PATJ: variants seen among roughly 807,000 people sequenced by gnomAD.
The protein encoded by PATJ is inaD-like protein.
PATJ carries 190 observed loss-of-function variants against 224.9 expected under a neutral mutation model. That is an observed-to-expected ratio of 0.84 (90% CI 0.75 to 0.95). The LOEUF (loss-of-function observed/expected upper bound fraction) is 0.95. PATJ is among the 40% of genes least tolerant of loss of function. The pLI is 0.00. For missense variants in PATJ, 2,121 were observed against 2,270.3 expected (o/e 0.93, Z 1.34); for synonymous variants, 769 against 820.3 (o/e 0.94, Z 1.07).
intron 27 of PATJ, among the ~76,000 whole-genome samples, chr1:61,947,566 G>A (rs367968541): frequency 1.3e-4 from 20 of 152,050 alleles, no homozygotes; most frequent in Non-Finnish European, 2.5e-4. Context: ...AATAAAAGAC[G>A]ATACAAACAA....
At chr1:61,917,883 C>T (rs1673673545) in intron 26 of PATJ, 1 of 152,116 alleles carries the variant, frequency 6.6e-6, no homozygotes, top group African/African-American at 2.4e-5. Context: ...GAAACCCCGT[C>T]TCTACTAAAA....
At position 62,114,141 on chromosome 1, in the gene PATJ, A is replaced by G. The variant is rs756686480; in HGVS notation, c.4550A>G (p.Tyr1517Cys). Residue 1517 changes from tyrosine to cysteine, a missense_variant, in exon 35 of 44, where the codon TAT becomes TGT. Physicochemically the swap from Tyr to Cys is radical, Grantham distance 194. Coordinates refer to ENST00000642238, the MANE Select transcript of PATJ (RefSeq NM_001350145.3). ...QTPQKVRLVV[Y>C]RDEAHYRDEE... ...CCCCAGAAGGTGCGGCTGGTGGTGT[A>G]TAGAGATGAGGCACACTACCGGGAT... is the stretch of plus-strand genomic sequence containing the variant. The G allele has an allele frequency of 5.0e-6, 8 of 1,613,938 alleles. No homozygotes were observed. In the African/African-American group the frequency reaches 6.7e-5, roughly 13 times the overall value.
chr1:61,959,431 T>TC (rs1557945082), intron 27 of PATJ, among the ~76,000 whole-genome samples: 1 of 39,250 alleles, frequency 2.5e-5, no homozygotes, highest in African/African-American at 5.5e-5. Context: ...ATATATTTTT[T>TC]TTCTTTTCTT....
At chr1:61,947,441 TC>T (rs1488024977) in intron 27 of PATJ, among the ~76,000 whole-genome samples, 3 of 151,620 alleles carry the variant, frequency 2.0e-5, no homozygotes, top group African/African-American at 7.3e-5. Context: ...GAGAGCCAAA[TC>T]ATGAGTGAAC....
At chr1:61,850,774 C>T (rs1479362671) in intron 17 of PATJ, among the ~76,000 whole-genome samples, 1 of 152,188 alleles carries the variant, frequency 6.6e-6, no homozygotes, top group Non-Finnish European at 1.5e-5. Context: ...TCTCAATTTC[C>T]TCACCAGGAA....
rs1000358375 is a variant in PATJ at position 61,877,263 on chromosome 1, T to TC, written c.2959+1897_2959+1898insC. On this transcript the variant is annotated intron_variant, in intron 21 of 43. Transcript: ENST00000642238. The stretch of plus-strand genomic sequence containing the variant: ...AACAGCATATCAGTTCATTACTTTT[T>TC]TTTTTTTCAGTTGCTAAGTTGTATA... 2.5e-4 allele frequency among the ~76,000 whole-genome samples: 38 copies of TC among 151,396 alleles called. 1 individual carries two copies. Among genetic ancestry groups the TC allele is most frequent in the Non-Finnish European group, 4.7e-4 (32 of 67,884 alleles).
chr1:61,997,981 C>CTTTT (rs1445735043), intron 28 of PATJ, among the ~76,000 whole-genome samples: 22 of 78,636 alleles, frequency 2.8e-4, no homozygotes, highest in Middle Eastern at 0.012. Flanking sequence ...CTGTGCCCAG[C>CTTTT]TTATATATGT....
At chr1:62,038,955 G>A in intron 30 of PATJ, 1 of 1,355,990 alleles carries the variant, frequency 7.4e-7, no homozygotes, top group Non-Finnish European at 1.1e-6. Context: ...TGTCAGATGA[G>A]CATGCTGGAG....
intron 28 of PATJ, 83 bp downstream of exon 28, chr1:61,990,447 G>C: frequency 1.2e-6 from 1 of 836,068 alleles, no homozygotes; most frequent in Non-Finnish European, 1.8e-6. Flanking sequence ...AGGTGAAAGG[G>C]AAGAATGATG....
intron 29 of PATJ, among the ~76,000 whole-genome samples, chr1:62,024,368 A>G (rs1265077301): frequency 6.6e-6 from 1 of 152,098 alleles, no homozygotes; most frequent in Non-Finnish European, 1.5e-5. Context: ...TTAATTACCA[A>G]TTCAATTTCA....
intron 31 of PATJ, among the ~76,000 whole-genome samples, chr1:62,076,775 C>T (rs547484100): frequency 3.7e-4 from 57 of 152,200 alleles, no homozygotes; most frequent in African/African-American, 1.3e-3. Context: ...TTAAAAGTCG[C>T]GTGATTTTTC....
intron 28 of PATJ, 127 bp from the exon 29 acceptor site, chr1:62,017,729 C>CAAAAAAAAAAAAAAA (rs58692636): frequency 1.8e-5 from 6 of 324,372 alleles, no homozygotes; most frequent in East Asian, 5.0e-5. Flanking sequence ...GAGACTGTCT[C>CAAAAAAAAAAAAAAA]AAAAAAAAAA....
intron 21 of PATJ, among the ~76,000 whole-genome samples, chr1:61,883,337 T>C (rs1668353179): frequency 6.6e-6 from 1 of 152,206 alleles, no homozygotes; most frequent in Admixed American, 6.5e-5. Flanking sequence ...TATGGCAATC[T>C]GTACCCTTTA....
rs1347900920 is a variant in PATJ, at chr1:62,162,262, C to A, written c.*1208C>A. 1 of 152,178 alleles carries A rather than the reference C, an allele frequency of 6.6e-6. No individual in the cohort carries two copies. Among genetic ancestry groups the A allele is most frequent in the South Asian group, 2.1e-4 (1 of 4,816 alleles). 9.4% of individuals were successfully genotyped at this position (152,178 alleles called of 1,614,324 possible). On this transcript the variant is annotated 3_prime_UTR_variant, in exon 44 of 44. Coordinates refer to ENST00000642238, the MANE Select transcript of PATJ (RefSeq NM_001350145.3). Reference sequence around the variant, plus strand: ...GGAAAAGGAGGTAGAAGCCCCAGAACCACACGGCAGAGATCAGCAAGTTTT... The same window carrying A: ...GGAAAAGGAGGTAGAAGCCCCAGAAACACACGGCAGAGATCAGCAAGTTTT...
chr1:61,798,452 G>T (rs1317625533), intron 11 of PATJ, among the ~76,000 whole-genome samples: 1 of 152,062 alleles, frequency 6.6e-6, no homozygotes, highest in African/African-American at 2.4e-5. Context: ...ACCTGCCTTG[G>T]CCTCCTAAAC....
At chr1:61,880,426 A>G (rs924383543) in intron 21 of PATJ, among the ~76,000 whole-genome samples, 26 of 152,212 alleles carry the variant, frequency 1.7e-4, no homozygotes, top group African/African-American at 6.3e-4. Flanking sequence ...TTCTTCCCCC[A>G]TTAGCCAAAG....
At chr1:62,117,471 T>C in intron 37 of PATJ, 5 of 1,282,432 alleles carry the variant, frequency 3.9e-6, no homozygotes, top group Non-Finnish European at 5.0e-6. Flanking sequence ...TAGTTCTATA[T>C]TGCCTATGCA....
chr1:61,748,319 A>G (rs1645135653), intron 1 of PATJ, among the ~76,000 whole-genome samples: 1 of 111,204 alleles, frequency 9.0e-6, no homozygotes, highest in African/African-American at 3.6e-5. Context: ...CAGTGGCTTG[A>G]TCTCCGCTCA....
chr1:61,963,773 T>C (rs546991898), intron 27 of PATJ, among the ~76,000 whole-genome samples: 57 of 152,224 alleles, frequency 3.7e-4, no homozygotes, highest in African/African-American at 1.3e-3. Flanking sequence ...ATTTTGCATA[T>C]ACATGAACCC....
Sources: gnomAD v4.1 joint callset for allele counts (sites outside exome capture counted in the v4.1 genomes callset) on GRCh38, gnomAD v4.1.1 for gene constraint, MANE v1.5 for transcripts, NCBI Gene and HGNC (gene_info 2026-07-23, HGNC 2026-07-21) for gene names.